Variants in RELN observed in about 807,000 individuals in gnomAD.
The protein encoded by RELN is reelin.
A neutral mutation model predicts 427.6 loss-of-function variants in RELN; 108 were observed. That is an observed-to-expected ratio of 0.25 (90% CI 0.22 to 0.30). The LOEUF (loss-of-function observed/expected upper bound fraction) is 0.30. RELN is among the 10% of genes least tolerant of loss of function. RELN has a pLI of 1.00. For synonymous variants in RELN, 1,524 were observed against 1,513.4 expected, an observed-to-expected ratio of 1.01 and a Z score of -0.16; for missense variants, 3,715 against 4,302.8, an observed-to-expected ratio of 0.86 and a Z score of 3.82.
chr7:103,571,916 T>G (rs1305974804), intron 31 of RELN, among the ~76,000 whole-genome samples: 4 of 152,088 alleles, frequency 2.6e-5, no homozygotes, highest in Non-Finnish European at 4.4e-5. Context: ...CTGCGGATAG[T>G]ATAAAGGAAT....
At chr7:103,537,426 T>C (rs1006375463) in intron 45 of RELN, among the ~76,000 whole-genome samples, 3 of 152,218 alleles carry the variant, frequency 2.0e-5, no homozygotes, top group African/African-American at 7.2e-5. Flanking sequence ...TTCATGACCT[T>C]ACCAAGCACA....
intron 1 of RELN, among the ~76,000 whole-genome samples, chr7:103,987,074 CAA>C (rs67498168): frequency 0.017 from 2,072 of 119,034 alleles, 58 homozygotes; most frequent in African/African-American, 0.058. Context: ...GAACATTTTA[CAA>C]AAAAAAAAAA....
At chr7:103,697,711 T>C in intron 10 of RELN, 142 bp downstream of exon 10, 1 of 1,093,038 alleles carries the variant, frequency 9.1e-7, no homozygotes, top group East Asian at 2.6e-5. Flanking sequence ...AAAGGTAGGG[T>C]AATATAAATA....
At chr7:103,707,105 T>G (rs1044693487) in intron 8 of RELN, among the ~76,000 whole-genome samples, 1 of 152,064 alleles carries the variant, frequency 6.6e-6, no homozygotes, top group African/African-American at 2.4e-5. Flanking sequence ...TTCCAAGTAG[T>G]TGGGACTACA....
chr7:103,607,788 C>A (rs927394532), intron 22 of RELN, among the ~76,000 whole-genome samples: 16 of 152,128 alleles, frequency 1.1e-4, no homozygotes, highest in East Asian at 1.9e-4. Flanking sequence ...ATTACATTTA[C>A]CCAATTATTC....
intron 5 of RELN, among the ~76,000 whole-genome samples, chr7:103,752,136 A>T (rs952643725): frequency 6.6e-6 from 1 of 152,212 alleles, no homozygotes; most frequent in Non-Finnish European, 1.5e-5. Flanking sequence ...TGAAAACAAA[A>T]TCATTTATTC....
intron 38 of RELN, 94 bp downstream of exon 38, chr7:103,556,878 AAGCTG>A: frequency 1.0e-6 from 1 of 966,392 alleles, no homozygotes; most frequent in South Asian, 1.3e-5. Flanking sequence ...GTGGACAGCT[AAGCTG>A]CTCAGTTGAC....
At chr7:103,560,348 T>C (rs938952698) in intron 36 of RELN, among the ~76,000 whole-genome samples, 7 of 152,142 alleles carry the variant, frequency 4.6e-5, no homozygotes, top group African/African-American at 1.7e-4. Flanking sequence ...ACATGCTGAG[T>C]CCTCTCTACA....
At chr7:103,884,341 T>C (rs980698826) in intron 2 of RELN, among the ~76,000 whole-genome samples, 7 of 152,036 alleles carry the variant, frequency 4.6e-5, no homozygotes, top group African/African-American at 1.4e-4. Context: ...AGAAGAAAAC[T>C]TAGGCAATAC....
At chr7:103,879,350 T>A (rs1183631185) in intron 2 of RELN, among the ~76,000 whole-genome samples, 1 of 152,318 alleles carries the variant, frequency 6.6e-6, no homozygotes, top group South Asian at 2.1e-4. Flanking sequence ...TCCTCTTATG[T>A]TTTACAAGTC....
chr7:103,856,413 C>CA (rs1379381213), intron 2 of RELN, among the ~76,000 whole-genome samples: 1 of 151,264 alleles, frequency 6.6e-6, no homozygotes, highest in African/African-American at 2.4e-5. Context: ...CTACTAAATA[C>CA]AAAAAATTAG....
intron 28 of RELN, among the ~76,000 whole-genome samples, chr7:103,586,499 A>G (rs1436600167): frequency 6.6e-6 from 1 of 152,168 alleles, no homozygotes; most frequent in Non-Finnish European, 1.5e-5. Context: ...CACCCTCTCT[A>G]CTCCAGTTCA....
rs1470582449 is a variant in RELN, at chr7:103,486,448, G to A, written c.9764-32C>T. ...GACAAGGAGCAGTCACAGAAATTAAGTGGACCAACCAGAGTCATTCAAGAT... is the reference window on the plus strand; with the variant it reads ...GACAAGGAGCAGTCACAGAAATTAAATGGACCAACCAGAGTCATTCAAGAT... On this transcript the variant is annotated intron_variant, in intron 60 of 64. Coordinates refer to ENST00000428762, the MANE Select transcript of RELN (RefSeq NM_005045.4). 2.0e-6 allele frequency: 3 copies of A among 1,508,630 alleles called. No individual in the cohort carries two copies. The Admixed American group carries it at 5.0e-5, about 25-fold the overall frequency. The allele number at this position is 1,508,630 out of a possible 1,614,324, so 93.5% of individuals were successfully genotyped here. A position where few individuals can be genotyped will look rare whatever the true frequency, so the allele number is the denominator to read the frequency against.
At chr7:103,819,301 G>T (rs895413446) in intron 3 of RELN, among the ~76,000 whole-genome samples, 3 of 151,790 alleles carry the variant, frequency 2.0e-5, no homozygotes, top group African/African-American at 7.3e-5. Flanking sequence ...AAGACATTTT[G>T]CATTCTAACC....
In RELN at chr7:103,630,110, C is replaced by G. The variant is rs113842330; in HGVS notation, c.2532G>C (p.Pro844=). 6.2e-7 allele frequency: 1 copy of G among 1,613,390 alleles called. No homozygotes were observed. The highest frequency in any genetic ancestry group is 8.5e-7 in the Non-Finnish European group (1 of 1,179,612). Residue 844 remains proline (P), a synonymous_variant, in exon 20 of 65, where the codon CCG becomes CCC. Coordinates refer to ENST00000428762, the MANE Select transcript of RELN (RefSeq NM_005045.4). ...QFGIQFRWWQ[P]YHSSQREDVW... ...CATCTTCTCTCTGGGAAGAATGATACGGTTGCCACCATCTGAACTGAATTC... is the reference window on the plus strand; with the variant it reads ...CATCTTCTCTCTGGGAAGAATGATAGGGTTGCCACCATCTGAACTGAATTC...
At chr7:103,941,323 A>G (rs1471488448) in intron 1 of RELN, among the ~76,000 whole-genome samples, 1 of 152,224 alleles carries the variant, frequency 6.6e-6, no homozygotes, top group African/African-American at 2.4e-5. Context: ...AGGTAAGTGA[A>G]CTTATTAAGA....
chr7:103,712,905 A>AT (rs1789841873), intron 8 of RELN, among the ~76,000 whole-genome samples: 1 of 151,992 alleles, frequency 6.6e-6, no homozygotes, highest in Non-Finnish European at 1.5e-5. Context: ...TGGTTATATC[A>AT]TTCCCCATCA....
At chr7:103,502,314 C>T (rs932495836) in intron 52 of RELN, among the ~76,000 whole-genome samples, 1 of 152,128 alleles carries the variant, frequency 6.6e-6, no homozygotes, top group Admixed American at 6.5e-5. Flanking sequence ...TGCGTAAGCA[C>T]TTTATTCAAA....
At position 103,566,716 on chromosome 7, in the gene RELN, A is replaced by G. The variant is rs759271716; in HGVS notation, c.4632T>C (p.His1544=). 1.9e-6 allele frequency: 3 copies of G among 1,614,028 alleles called. No individual in the cohort carries two copies. The African/African-American group carries it at 4.0e-5, about 22-fold the overall frequency. The change falls in exon 32 of 65, where the codon CAT becomes CAC. Residue 1544 remains histidine (H), a synonymous_variant. Transcript: ENST00000428762. ...QYSNDNGILW[H]LLRELDFMSF... Reference sequence around the variant, plus strand: ...ACATGAAGTCCAACTCTCGAAGCAAATGCCAGAGTATCCCATTGTCATTTG... The same window carrying G: ...ACATGAAGTCCAACTCTCGAAGCAAGTGCCAGAGTATCCCATTGTCATTTG...
Sources: allele counts gnomAD v4.1 joint callset (sites outside exome capture counted in the v4.1 genomes callset), GRCh38; gene constraint gnomAD v4.1.1; transcripts MANE v1.5; gene names NCBI Gene and HGNC (gene_info 2026-07-23, HGNC 2026-07-21).